PPP1R7: variants seen among roughly 807,000 people sequenced by gnomAD.
PPP1R7 encodes protein phosphatase 1 regulatory subunit 22.
PPP1R7 carries 18 observed loss-of-function variants against 45.2 expected under a neutral mutation model. That is an observed-to-expected ratio of 0.40 (90% CI 0.28 to 0.59). The LOEUF is 0.59. Ranked by LOEUF, PPP1R7 falls within the 20% of genes least tolerant of loss-of-function variation. The pLI, the probability that PPP1R7 is intolerant of heterozygous loss-of-function variation, is 0.46. For synonymous variants in PPP1R7, 181 were observed against 183.4 expected, an observed-to-expected ratio of 0.99 and a Z score of 0.11; for missense variants, 314 against 455.8, an observed-to-expected ratio of 0.69 and a Z score of 2.83.
At chr2:241,180,388 TAA>T (rs58267372) in intron 9 of PPP1R7, among the ~76,000 whole-genome samples, 8 of 99,996 alleles carry the variant, frequency 8.0e-5, no homozygotes, top group South Asian at 6.7e-4. Context: ...GCTGGTGAGC[TAA>T]AAAAAAAAAA....
chr2:241,165,818 CG>C lies in PPP1R7; in HGVS notation c.715-518del, dbSNP rs34587326. On this transcript the variant is annotated intron_variant, in intron 7 of 9. Transcript: ENST00000234038. Reference sequence around the variant, plus strand: ...TTCACCGTGTTAGCCAGGATGGTCTCGATCTCATAACCTCATGATCCTCTCG... The same window carrying C: ...TTCACCGTGTTAGCCAGGATGGTCTCATCTCATAACCTCATGATCCTCTCG... Among the ~76,000 whole-genome samples the C allele has an allele frequency of 6.3e-3, 953 of 151,636 alleles. 10 individuals carry two copies. Among genetic ancestry groups the C allele is most frequent in the African/African-American group, 0.021 (880 of 41,322 alleles).
chr2:241,152,003 C>T (rs2067328447), intron 1 of PPP1R7, among the ~76,000 whole-genome samples: 1 of 152,232 alleles, frequency 6.6e-6, no homozygotes, highest in East Asian at 1.9e-4. Flanking sequence ...TTAGCTAAGC[C>T]TTTGCTAACC....
intron 9 of PPP1R7, among the ~76,000 whole-genome samples, chr2:241,177,719 G>A (rs1428044383): frequency 6.6e-6 from 1 of 152,230 alleles, no homozygotes; most frequent in Non-Finnish European, 1.5e-5. Flanking sequence ...TGGAGGGTGG[G>A]CTGAGACCAG....
Position 241,160,456 on chromosome 2 carries a change from C to G in PPP1R7, c.559C>G (p.Gln187Glu). The change falls in exon 6 of 10, where the codon CAA becomes GAA. Residue 187 changes from glutamine (Q) to glutamate (E), a missense_variant. Transcript: ENST00000234038. The part of the protein sequence containing the change: ...SKIENLSNLH[Q>E]LQMLELGSNR... ...AATTGAGAACTTAAGCAACTTACAT[C>G]AACTACAGATGCTAGAGCTGGGATC... 3 of 1,611,792 alleles carry G rather than the reference C, an allele frequency of 1.9e-6. No homozygotes were observed. Among genetic ancestry groups the G allele is most frequent in the Non-Finnish European group, 1.7e-6 (2 of 1,179,352 alleles).
upstream of PPP1R7, chr2:241,149,862 G>A: frequency 6.9e-7 from 1 of 1,459,254 alleles, no homozygotes. Flanking sequence ...CCCAGCTGGC[G>A]CCCCGGAGCC....
At chr2:241,175,515 C>T (rs2067894368) in intron 9 of PPP1R7, among the ~76,000 whole-genome samples, 1 of 152,198 alleles carries the variant, frequency 6.6e-6, no homozygotes, top group Admixed American at 6.5e-5. Context: ...AATTGCCTTT[C>T]TTTTTAGGGC....
At chr2:241,149,576 G>T, upstream of PPP1R7, 1 of 1,410,808 alleles carries the variant, frequency 7.1e-7, no homozygotes, top group Non-Finnish European at 9.6e-7. Context: ...CCAGAGTCTA[G>T]AAGCCCGCGC....
At position 241,157,880 on chromosome 2, in the gene PPP1R7, G is replaced by C; in HGVS notation, c.237+18G>C. ...ATGCAGAGGTAATGCCGCCTGCTCA[G>C]CCCAGCCTTGGGCGTGGTGATGGAC... On this transcript the variant is annotated intron_variant, in intron 3 of 9. Coordinates refer to ENST00000234038, the MANE Select transcript of PPP1R7 (RefSeq NM_002712.3). 1 of 1,611,218 alleles carries C rather than the reference G, an allele frequency of 6.2e-7. No individual in the cohort carries two copies. The highest frequency in any genetic ancestry group is 8.5e-7 in the Non-Finnish European group (1 of 1,177,382).
At chr2:241,152,423 G>A (rs2067344796) in intron 1 of PPP1R7, among the ~76,000 whole-genome samples, 1 of 152,242 alleles carries the variant, frequency 6.6e-6, no homozygotes, top group Non-Finnish European at 1.5e-5. Context: ...AAGTCACAGA[G>A]ACGAGTTAGG....
chr2:241,150,678 G>A lies in PPP1R7; in HGVS notation c.52+131G>A, dbSNP rs904125879. 12 of 1,286,610 alleles carry A rather than the reference G, an allele frequency of 9.3e-6. 1 individual carries two copies. The East Asian group carries it at 3.8e-4, about 40-fold the overall frequency. The allele number at this position is 1,286,610 out of a possible 1,614,324, so 79.7% of individuals were successfully genotyped here. A position where few individuals can be genotyped will look rare whatever the true frequency, so the allele number is the denominator to read the frequency against. ...GCCGCCGCGCGGCCCCCTGACAGCT[G>A]ACAGCCGGACCCGGGGGAGCGGGGG... On this transcript the variant is annotated intron_variant, in intron 1 of 9. Transcript: ENST00000234038.
chr2:241,162,124 G>C (rs945153841), intron 6 of PPP1R7, among the ~76,000 whole-genome samples: 1 of 152,162 alleles, frequency 6.6e-6, no homozygotes, highest in African/African-American at 2.4e-5. Context: ...TTTAAAACTA[G>C]AGAGCAGCCC....
rs139259037 is a variant in PPP1R7, at chr2:241,175,746, CA to C, written c.906+5881del. ...AGTAGCTGGGACTGCAGGTGTGCAC[CA>C]ATGACCTGGCTACATTTGTGGGTTT... On this transcript the variant is annotated intron_variant, in intron 9 of 9. Coordinates refer to ENST00000234038, the MANE Select transcript of PPP1R7 (RefSeq NM_002712.3). 1.6e-3 allele frequency among the ~76,000 whole-genome samples: 242 copies of C among 152,240 alleles called. 9 individuals are homozygous for C. In the East Asian group the frequency reaches 0.042, roughly 26 times the overall value.
intron 9 of PPP1R7, among the ~76,000 whole-genome samples, chr2:241,173,729 A>G (rs2067858728): frequency 6.6e-6 from 1 of 152,186 alleles, no homozygotes; most frequent in African/African-American, 2.4e-5. Flanking sequence ...CCCTGAGGCC[A>G]TTGCCTCCAC....
chr2:241,183,054 G>A lies in PPP1R7; in HGVS notation c.*231G>A, dbSNP rs1050997983. 3.5e-6 allele frequency: 2 copies of A among 573,548 alleles called. No homozygotes were observed. The highest frequency in any genetic ancestry group is 3.7e-5 in the African/African-American group (2 of 53,352). The allele number at this position is 573,548 out of a possible 1,614,324, so 35.5% of individuals were successfully genotyped here. A position where few individuals can be genotyped will look rare whatever the true frequency, so the allele number is the denominator to read the frequency against. On this transcript the variant is annotated 3_prime_UTR_variant, in exon 10 of 10. Transcript: ENST00000234038. Reference sequence around the variant, plus strand: ...TGGGTGATTGTTGACAGTTATTGTAGCCACAGAGAGAACATAAGACACGTT... The same window carrying A: ...TGGGTGATTGTTGACAGTTATTGTAACCACAGAGAGAACATAAGACACGTT...
intron 9 of PPP1R7, 43 bp from the exon 10 acceptor site, chr2:241,182,604 G>T (rs1318317042): frequency 6.2e-6 from 10 of 1,607,812 alleles, no homozygotes; most frequent in Non-Finnish European, 6.8e-6. Flanking sequence ...TCGAGGGCTG[G>T]GCTGTTTGGT....
intron 1 of PPP1R7, among the ~76,000 whole-genome samples, chr2:241,151,900 A>G (rs546092327): frequency 6.6e-6 from 1 of 152,332 alleles, no homozygotes; most frequent in Non-Finnish European, 1.5e-5. Context: ...CATCATCCCC[A>G]GTACACCAAA....
At chr2:241,177,287 C>T (rs1369027832) in intron 9 of PPP1R7, among the ~76,000 whole-genome samples, 1 of 151,742 alleles carries the variant, frequency 6.6e-6, no homozygotes, top group Admixed American at 6.6e-5. Context: ...TGTGGTGGCA[C>T]GCGCCTGTAG....
intron 9 of PPP1R7, among the ~76,000 whole-genome samples, chr2:241,178,951 C>G (rs2284875): frequency 0.033 from 5,014 of 151,900 alleles, 203 homozygotes; most frequent in East Asian, 0.1. Flanking sequence ...TTCTACCCAT[C>G]TTTTGCTTAA....
upstream of PPP1R7, chr2:241,150,265 G>T (rs887146116): frequency 7.7e-7 from 1 of 1,291,684 alleles, no homozygotes; most frequent in Non-Finnish European, 9.8e-7. Flanking sequence ...CCAGCTTCTC[G>T]CCTCCAGACT....
Sources: gnomAD v4.1 joint callset for allele counts (sites outside exome capture counted in the v4.1 genomes callset) on GRCh38, gnomAD v4.1.1 for gene constraint, MANE v1.5 for transcripts, NCBI Gene and HGNC (gene_info 2026-07-23, HGNC 2026-07-21) for gene names.